RGL1: variants seen among roughly 807,000 people sequenced by gnomAD.
RGL1 encodes ral guanine nucleotide dissociation stimulator-like 1.
A neutral mutation model predicts 95.2 loss-of-function variants in RGL1; 24 were observed. The observed-to-expected ratio is 0.25, with a 90% CI of 0.18 to 0.35. The LOEUF (loss-of-function observed/expected upper bound fraction) is 0.35, where lower values mean the gene tolerates loss of function less well. RGL1 is among the 10% of genes least tolerant of loss of function. The probability of loss-of-function intolerance (pLI) is 1.00; values close to 1 mark genes in which losing one functional copy is unlikely to be tolerated. For missense variants in RGL1, 715 were observed against 936.3 expected (o/e 0.76, Z 3.08); for synonymous variants, 329 against 344.9 (o/e 0.95, Z 0.51).
At chr1:183,796,816 T>A (rs1660725078) in intron 2 of RGL1, among the ~76,000 whole-genome samples, 1 of 152,238 alleles carries the variant, frequency 6.6e-6, no homozygotes, top group South Asian at 2.1e-4. Flanking sequence ...ATTCTGCAGA[T>A]GTTTTATTAC....
chr1:183,903,532 C>G (rs184166219), intron 12 of RGL1, among the ~76,000 whole-genome samples: 33 of 152,208 alleles, frequency 2.2e-4, no homozygotes, highest in African/African-American at 7.2e-4. Context: ...CTTTCACATT[C>G]CACAAATATT....
chr1:183,683,419 T>C (rs1285126557), intron 1 of RGL1, among the ~76,000 whole-genome samples: 15 of 152,246 alleles, frequency 9.9e-5, no homozygotes, highest in African/African-American at 3.4e-4. Context: ...CTCCTTTGCT[T>C]ATGAAGCTTA....
chr1:183,698,896 C>A (rs529043317), intron 1 of RGL1, among the ~76,000 whole-genome samples: 1 of 152,154 alleles, frequency 6.6e-6, no homozygotes, highest in Admixed American at 6.5e-5. Flanking sequence ...ATTTAAATAT[C>A]TCCCTCTGTT....
chr1:183,662,265 C>A (rs1374555344), intron 1 of RGL1, among the ~76,000 whole-genome samples: 4 of 150,520 alleles, frequency 2.7e-5, no homozygotes, highest in Non-Finnish European at 4.4e-5. Flanking sequence ...AAGATGAAGT[C>A]AAATTGTCCC....
At chr1:183,730,650 A>T (rs1451420610) in intron 1 of RGL1, among the ~76,000 whole-genome samples, 1 of 152,306 alleles carries the variant, frequency 6.6e-6, no homozygotes, top group East Asian at 1.9e-4. Context: ...TGGAGAGTAC[A>T]GAACATAATT....
chr1:183,778,835 G>A (rs1033729663), intron 2 of RGL1, among the ~76,000 whole-genome samples: 5 of 152,180 alleles, frequency 3.3e-5, no homozygotes, highest in Non-Finnish European at 7.3e-5. Context: ...TCATCCTTTA[G>A]GGAATTGTCT....
At chr1:183,723,550 T>C (rs766254697) in intron 1 of RGL1, among the ~76,000 whole-genome samples, 46 of 152,204 alleles carry the variant, frequency 3.0e-4, no homozygotes, top group Non-Finnish European at 5.3e-4. Context: ...AACTCAGTGC[T>C]GCTCTGTCAC....
chr1:183,795,007 T>C (rs943481635), intron 2 of RGL1, among the ~76,000 whole-genome samples: 2 of 152,200 alleles, frequency 1.3e-5, no homozygotes, highest in African/African-American at 4.8e-5. Flanking sequence ...GATTTATTTA[T>C]ATCATTCAAC....
At chr1:183,805,659 T>C (rs1437448498) in intron 1 of RGL1, among the ~76,000 whole-genome samples, 3 of 152,210 alleles carry the variant, frequency 2.0e-5, no homozygotes, top group Non-Finnish European at 2.9e-5. Flanking sequence ...CAGGTTTAGC[T>C]GGGGACATGG....
chr1:183,882,452 T>C (rs993407981), intron 5 of RGL1, among the ~76,000 whole-genome samples: 3 of 152,212 alleles, frequency 2.0e-5, no homozygotes, highest in African/African-American at 7.2e-5. Context: ...CCCAAGTTTC[T>C]AATTACACCT....
At chr1:183,645,955 C>T (rs1650264059) in intron 1 of RGL1, among the ~76,000 whole-genome samples, 2 of 152,212 alleles carry the variant, frequency 1.3e-5, no homozygotes, top group African/African-American at 2.4e-5. Flanking sequence ...GACAACTTCT[C>T]CTTTTGTTAT....
At position 183,892,230 on chromosome 1, in the gene RGL1, T is replaced by C. The variant is rs1240086728; in HGVS notation, c.1140+69T>C. On this transcript the variant is annotated intron_variant, in intron 9 of 17. Transcript: ENST00000360851. Reference sequence around the variant, plus strand: ...CTGGAATCCATTCAAGGAAGAGTAGTGTGAGGGCTCCTTAAGTTCCTTCAA... The same window carrying C: ...CTGGAATCCATTCAAGGAAGAGTAGCGTGAGGGCTCCTTAAGTTCCTTCAA... 10 of 1,154,632 alleles carry C rather than the reference T, an allele frequency of 8.7e-6. No individual in the cohort carries two copies. The East Asian group carries it at 1.7e-4, about 19-fold the overall frequency. 71.5% of individuals were successfully genotyped at this position (1,154,632 alleles called of 1,614,324 possible). A position where few individuals can be genotyped will look rare whatever the true frequency, so the allele number is the denominator to read the frequency against.
chr1:183,673,861 T>G (rs780467327), intron 1 of RGL1, among the ~76,000 whole-genome samples: 37 of 152,166 alleles, frequency 2.4e-4, no homozygotes, highest in Non-Finnish European at 3.7e-4. Context: ...GGTTTGCAAG[T>G]GTCTATCTGG....
At chr1:183,656,258 A>G (rs1281219166) in intron 1 of RGL1, among the ~76,000 whole-genome samples, 6 of 152,184 alleles carry the variant, frequency 3.9e-5, no homozygotes, top group Non-Finnish European at 7.4e-5. Flanking sequence ...CTGAGACCAA[A>G]TAAGTACATT....
chr1:183,762,533 A>G (rs1381376990), intron 2 of RGL1, among the ~76,000 whole-genome samples: 1 of 152,232 alleles, frequency 6.6e-6, no homozygotes, highest in Non-Finnish European at 1.5e-5. Context: ...CAAAATGTCC[A>G]GAGACATGAA....
At chr1:183,845,207 ACCG>A (rs1294583861) in intron 2 of RGL1, among the ~76,000 whole-genome samples, 2 of 152,180 alleles carry the variant, frequency 1.3e-5, no homozygotes, top group African/African-American at 4.8e-5. Flanking sequence ...ATTCAGATAA[ACCG>A]CCTGGCGATT....
At chr1:183,860,739 T>C (rs1006257677) in intron 3 of RGL1, among the ~76,000 whole-genome samples, 1 of 152,222 alleles carries the variant, frequency 6.6e-6, no homozygotes, top group East Asian at 1.9e-4. Context: ...ACTTAGTATA[T>C]ATTAACTAAT....
intron 1 of RGL1, among the ~76,000 whole-genome samples, chr1:183,654,973 C>T (rs929803887): frequency 3.9e-5 from 6 of 152,150 alleles, no homozygotes; most frequent in African/African-American, 1.4e-4. Flanking sequence ...GGTTCCTGTT[C>T]ACAGTGAAAT....
At position 183,866,084 on chromosome 1, in the gene RGL1, C is replaced by T. The variant is rs753326170; in HGVS notation, c.425+11C>T. On this transcript the variant is annotated intron_variant, in intron 4 of 17. Coordinates refer to ENST00000360851, the MANE Select transcript of RGL1 (RefSeq NM_001297671.3). Reference sequence around the variant, plus strand: ...AATGGTGATCAGGAAGTGAGTCTCCCTTTTCTTTGCATTCTAAGCTCTCAG... The same window carrying T: ...AATGGTGATCAGGAAGTGAGTCTCCTTTTTCTTTGCATTCTAAGCTCTCAG... 11 of 1,596,416 alleles carry T rather than the reference C, an allele frequency of 6.9e-6. No homozygotes were observed. The highest frequency in any genetic ancestry group is 9.4e-6 in the Non-Finnish European group (11 of 1,164,136).
Sources: allele counts gnomAD v4.1 joint callset (sites outside exome capture counted in the v4.1 genomes callset), GRCh38; gene constraint gnomAD v4.1.1; transcripts MANE v1.5; gene names NCBI Gene and HGNC (gene_info 2026-07-23, HGNC 2026-07-21).